The following ZNF821 variants were observed in gnomAD, a reference collection of about 807,000 sequenced individuals.
ZNF821 encodes the protein zinc finger protein 821.
In ZNF821, 16 loss-of-function variants were observed where a neutral mutation model predicts 44.3. That is an observed-to-expected ratio of 0.36 (90% CI 0.24 to 0.55). The LOEUF is 0.55. ZNF821 is among the 20% of genes least tolerant of loss of function. ZNF821 has a pLI of 0.86. For missense variants in ZNF821, 436 were observed against 547.6 expected (o/e 0.80, Z 2.03); for synonymous variants, 204 against 197.6 (o/e 1.03, Z -0.27).
In ZNF821 at chr16:71,859,879, G is replaced by C; in HGVS notation, c.*139C>G. The C allele has an allele frequency of 1.0e-6, 1 of 974,780 alleles. No individual in the cohort carries two copies. 60.4% of individuals were successfully genotyped at this position (974,780 alleles called of 1,614,324 possible). On this transcript the variant is annotated 3_prime_UTR_variant, in exon 8 of 8. Coordinates refer to ENST00000425432, the MANE Select transcript of ZNF821 (RefSeq NM_001201552.2). ...GTTCCCATATGCAAGGGCTGCTCAG[G>C]TCCACCTGCAATAAACCCAGGCCTG...
At chr16:71,875,949 T>C (rs2035766594) in intron 3 of ZNF821, among the ~76,000 whole-genome samples, 1 of 152,202 alleles carries the variant, frequency 6.6e-6, no homozygotes, top group African/African-American at 2.4e-5. Context: ...TTGACTATGG[T>C]GCAGGGAGAT....
chr16:71,883,122 A>T lies in ZNF821; in HGVS notation c.-78+89T>A, dbSNP rs1389527559. The stretch of plus-strand genomic sequence containing the variant: ...CTGTCTCTGCTCTCCCACAGGTATT[A>T]GGTTGCAGCGTCTAGGGCACACCAC... On this transcript the variant is annotated intron_variant, in intron 2 of 7. Coordinates refer to ENST00000425432, the MANE Select transcript of ZNF821 (RefSeq NM_001201552.2). The T allele has an allele frequency of 1.3e-5, 6 of 456,350 alleles. No individual in the cohort carries two copies. The East Asian group carries it at 4.2e-4, about 32-fold the overall frequency. 28.3% of individuals were successfully genotyped at this position (456,350 alleles called of 1,614,324 possible).
At chr16:71,869,166 A>T (rs1181469585) in intron 3 of ZNF821, among the ~76,000 whole-genome samples, 1 of 152,210 alleles carries the variant, frequency 6.6e-6, no homozygotes, top group Non-Finnish European at 1.5e-5. Flanking sequence ...CAGAGTAGAA[A>T]CTACAGTCCT....
intron 3 of ZNF821, among the ~76,000 whole-genome samples, chr16:71,870,843 T>G (rs1308135360): frequency 6.6e-6 from 1 of 152,184 alleles, no homozygotes; most frequent in African/African-American, 2.4e-5. Flanking sequence ...ACCTAGGAGC[T>G]ATGGGCAGAC....
intron 4 of ZNF821, among the ~76,000 whole-genome samples, chr16:71,867,028 G>A (rs766713939): frequency 4.8e-4 from 73 of 152,302 alleles, no homozygotes; most frequent in Middle Eastern, 3.4e-3. Flanking sequence ...CAGGTCACAG[G>A]ACAGACAGAC....
intron 1 of ZNF821, chr16:71,891,400 G>A (rs1297708208): frequency 6.6e-6 from 1 of 152,178 alleles, no homozygotes; most frequent in Non-Finnish European, 1.5e-5. Flanking sequence ...AGATAATATT[G>A]TGTTTTTTAA....
At chr16:71,862,602 C>T (rs1032897419) in intron 6 of ZNF821, among the ~76,000 whole-genome samples, 3 of 152,220 alleles carry the variant, frequency 2.0e-5, no homozygotes, top group South Asian at 2.1e-4. Context: ...GTACAAATTA[C>T]GTGTTAAGGG....
chr16:71,871,700 A>G (rs1414968878), intron 3 of ZNF821, among the ~76,000 whole-genome samples: 1 of 152,160 alleles, frequency 6.6e-6, no homozygotes. Context: ...ATCTTATTTA[A>G]TATGTGTATT....
chr16:71,881,035 A>C (rs530091891), intron 2 of ZNF821, among the ~76,000 whole-genome samples: 1 of 152,338 alleles, frequency 6.6e-6, no homozygotes, highest in African/African-American at 2.4e-5. Flanking sequence ...AGAGTGAATA[A>C]AGACATAGAA....
At chr16:71,873,329 A>T (rs543021321) in intron 3 of ZNF821, among the ~76,000 whole-genome samples, 1 of 152,130 alleles carries the variant, frequency 6.6e-6, no homozygotes. Context: ...CTCAAAAAAA[A>T]AAAAACTGTA....
chr16:71,882,149 A>G (rs994419443), intron 2 of ZNF821: 5 of 151,968 alleles, frequency 3.3e-5, no homozygotes, highest in African/African-American at 1.2e-4. Flanking sequence ...GCATGTCTGT[A>G]ATCTCAGCTA....
At position 71,879,974 on chromosome 16, in the gene ZNF821, T is replaced by C. The variant is rs777502826; in HGVS notation, c.-28A>G. The C allele has an allele frequency of 1.2e-6, 2 of 1,610,710 alleles. No individual in the cohort carries two copies. The highest frequency in any genetic ancestry group is 2.7e-5 in the African/African-American group (2 of 74,894). ...TTCCCTGATGCAAGAGCTCTGGTCT[T>C]TCCCAGTTTCACGACTGGATATGTT... On this transcript the variant is annotated 5_prime_UTR_variant, in exon 3 of 8. Transcript: ENST00000425432.
At position 71,875,409 on chromosome 16, in the gene ZNF821, G is replaced by A. The variant is rs893308824; in HGVS notation, c.40+4498C>T. Among the ~76,000 whole-genome samples the A allele has an allele frequency of 4.6e-5, 7 of 151,730 alleles. 1 individual carries two copies. The highest frequency in any genetic ancestry group is 1.5e-4 in the African/African-American group (6 of 41,296). ...TGATTCTCCCGTGTTAGTCTCCTGA[G>A]TAGCTGGGATTATAGGCGTGCGCCA... On this transcript the variant is annotated intron_variant, in intron 3 of 7. Transcript: ENST00000425432.
chr16:71,873,956 ATTTTT>A (rs138380961), intron 3 of ZNF821, among the ~76,000 whole-genome samples: 10 of 123,270 alleles, frequency 8.1e-5, no homozygotes, highest in African/African-American at 3.1e-4. Context: ...CCCGGCTGGA[ATTTTT>A]TTTTTTTTTT....
At chr16:71,876,192 A>G (rs2035796358) in intron 3 of ZNF821, among the ~76,000 whole-genome samples, 1 of 151,978 alleles carries the variant, frequency 6.6e-6, no homozygotes, top group African/African-American at 2.4e-5. Context: ...TTGGGGTCAC[A>G]CTTGTGTCTT....
At chr16:71,891,521 G>A (rs1328647015) in intron 1 of ZNF821, 3 of 152,186 alleles carry the variant, frequency 2.0e-5, no homozygotes, top group African/African-American at 7.2e-5. Context: ...CAGGACACAG[G>A]TGATGATTGC....
intron 3 of ZNF821, among the ~76,000 whole-genome samples, chr16:71,869,501 T>C (rs974855840): frequency 1.3e-5 from 2 of 152,182 alleles, no homozygotes; most frequent in Non-Finnish European, 2.9e-5. Flanking sequence ...CTCTATGGTG[T>C]TTTGTAGTTA....
At position 71,862,027 on chromosome 16, in the gene ZNF821, C is replaced by T. The variant is rs939683966; in HGVS notation, c.418-85G>A. ...CTTAGAAATGACTTTTGGGAAATGT[C>T]CCCTTTCTTTAGTCTCAGAATAAGG... On this transcript the variant is annotated intron_variant, in intron 6 of 7. Transcript: ENST00000425432. 2.4e-5 allele frequency: 36 copies of T among 1,491,866 alleles called. No homozygotes were observed. The African/African-American group carries it at 4.6e-4, about 19-fold the overall frequency. The allele number at this position is 1,491,866 out of a possible 1,614,324, so 92.4% of individuals were successfully genotyped here. A position where few individuals can be genotyped will look rare whatever the true frequency, so the allele number is the denominator to read the frequency against.
At chr16:71,886,681 C>T (rs576563203), upstream of ZNF821, among the ~76,000 whole-genome samples, 219 of 152,264 alleles carry the variant, frequency 1.4e-3, 1 homozygote, top group African/African-American at 5.1e-3. Flanking sequence ...AATTCACATA[C>T]CATGAAACTC....
Sources: allele counts gnomAD v4.1 joint callset (sites outside exome capture counted in the v4.1 genomes callset), GRCh38; gene constraint gnomAD v4.1.1; transcripts MANE v1.5; gene names NCBI Gene and HGNC (gene_info 2026-07-23, HGNC 2026-07-21).